The following MYO1E variants were observed in gnomAD, a reference collection of about 807,000 sequenced individuals.
The protein encoded by MYO1E is myosin IE.
Under a neutral mutation model 151.1 loss-of-function variants are expected in MYO1E, and 68 were observed. The observed-to-expected ratio is 0.45, with a 90% CI of 0.37 to 0.55. The LOEUF (loss-of-function observed/expected upper bound fraction) is 0.55, where lower values mean the gene tolerates loss of function less well. MYO1E is among the 20% of genes least tolerant of loss of function. The pLI is 0.00. For missense variants in MYO1E, 1,363 were observed against 1,389.3 expected (o/e 0.98, Z 0.30); for synonymous variants, 601 against 501.7 (o/e 1.20, Z -2.64).
At position 59,223,147 on chromosome 15, in the gene MYO1E, C is replaced by T; in HGVS notation, c.822G>A (p.Leu274=). The T allele has an allele frequency of 6.2e-7, 1 of 1,614,164 alleles. No individual in the cohort carries two copies. The highest frequency in any genetic ancestry group is 8.5e-7 in the Non-Finnish European group (1 of 1,180,032). Residue 274 remains leucine, a synonymous_variant, in exon 9 of 28, where the codon CTG becomes CTA. Transcript: ENST00000288235. ...VIGIFAEEQT[L]VLQIVAGILH... ...GAATACCCGCCACTATCTGCAACAC[C>T]AGCGTTTGCTCTTCTGCAAAGATCC...
At chr15:59,306,421 T>C (rs1226368186) in intron 1 of MYO1E, among the ~76,000 whole-genome samples, 1 of 152,250 alleles carries the variant, frequency 6.6e-6, no homozygotes, top group Non-Finnish European at 1.5e-5. Context: ...TGAACGAATA[T>C]ATGTTTTAAT....
In MYO1E at chr15:59,133,367, G is replaced by A. The variant is rs1231388419; in HGVS notation, c.*4013C>T. ...AGTCTGGGTGACAAAGTGAGGTGCTGTCTGAAAATAAAAACGCACAGGCCT... is the reference window on the plus strand; with the variant it reads ...AGTCTGGGTGACAAAGTGAGGTGCTATCTGAAAATAAAAACGCACAGGCCT... On this transcript the variant is annotated 3_prime_UTR_variant, in exon 28 of 28. Coordinates refer to ENST00000288235, the MANE Select transcript of MYO1E (RefSeq NM_004998.4). The A allele has an allele frequency of 6.6e-6, 1 of 152,202 alleles. No individual in the cohort carries two copies. Among genetic ancestry groups the A allele is most frequent in the Non-Finnish European group, 1.5e-5 (1 of 68,054 alleles). 9.4% of individuals were successfully genotyped at this position (152,202 alleles called of 1,614,324 possible).
rs927140356 is a variant in MYO1E at position 59,227,346 on chromosome 15, T to A, written c.642+113A>T. ...TCTGCACATTGACTTGTACATGGTA[T>A]CATCATCAGTCCTCCCTGGCTTCCT... is the stretch of plus-strand genomic sequence containing the variant. On this transcript the variant is annotated intron_variant, in intron 7 of 27. Transcript: ENST00000288235. The A allele has an allele frequency of 2.4e-6, 3 of 1,270,238 alleles. No individual in the cohort carries two copies. In the Admixed American group the frequency reaches 5.5e-5, roughly 23 times the overall value. 78.7% of individuals were successfully genotyped at this position (1,270,238 alleles called of 1,614,324 possible). A position where few individuals can be genotyped will look rare whatever the true frequency, so the allele number is the denominator to read the frequency against.
chr15:59,327,119 G>A (rs1347851196), intron 1 of MYO1E, among the ~76,000 whole-genome samples: 1 of 151,878 alleles, frequency 6.6e-6, no homozygotes, highest in African/African-American at 2.4e-5. Flanking sequence ...TGGGTAAGGC[G>A]TTTTCTCACT....
chr15:59,243,153 T>C (rs1596381985), intron 4 of MYO1E, among the ~76,000 whole-genome samples: 1 of 151,206 alleles, frequency 6.6e-6, no homozygotes, highest in Admixed American at 6.6e-5. Flanking sequence ...ACAACTCTTA[T>C]TTCAAAAGGT....
intron 2 of MYO1E, among the ~76,000 whole-genome samples, chr15:59,267,376 G>A (rs2080262615): frequency 6.6e-6 from 1 of 152,190 alleles, no homozygotes; most frequent in Non-Finnish European, 1.5e-5. Context: ...ACCTACGCTG[G>A]TCGAGTGGAC....
At chr15:59,164,940 G>C (rs533302761) in intron 22 of MYO1E, among the ~76,000 whole-genome samples, 1 of 152,118 alleles carries the variant, frequency 6.6e-6, no homozygotes, top group Admixed American at 6.5e-5. Flanking sequence ...TCATGAATTG[G>C]ATTAGTGACC....
At chr15:59,142,281 A>G (rs1372817762) in intron 26 of MYO1E, among the ~76,000 whole-genome samples, 1 of 152,174 alleles carries the variant, frequency 6.6e-6, no homozygotes, top group African/African-American at 2.4e-5. Flanking sequence ...TGTTCAGGGA[A>G]AAACCCTAGT....
intron 13 of MYO1E, 130 bp downstream of exon 13, chr15:59,210,381 CTAG>C (rs2079871617): frequency 1.4e-6 from 1 of 710,462 alleles, no homozygotes; most frequent in African/African-American, 1.8e-5. Flanking sequence ...ATACAGAAAA[CTAG>C]TACAATTGCT....
At chr15:59,245,052 G>A (rs2080121622) in intron 4 of MYO1E, among the ~76,000 whole-genome samples, 1 of 152,194 alleles carries the variant, frequency 6.6e-6, no homozygotes, top group African/African-American at 2.4e-5. Context: ...AGAGGTATGG[G>A]CTGACAGGGC....
intron 1 of MYO1E, among the ~76,000 whole-genome samples, chr15:59,334,817 CT>C (rs1345023250): frequency 6.6e-6 from 1 of 152,188 alleles, no homozygotes; most frequent in Admixed American, 6.5e-5. Context: ...AATTTGCCAA[CT>C]CTTCCACACT....
rs1047583078 is a variant in MYO1E at position 59,159,674 on chromosome 15, C to T, written c.2786-1295G>A. On this transcript the variant is annotated intron_variant, in intron 24 of 27. Coordinates refer to ENST00000288235, the MANE Select transcript of MYO1E (RefSeq NM_004998.4). This position sits in a 1 kb window ranked among gnomAD's most constrained non-coding sequence, Gnocchi z 4.4. Reference sequence around the variant, plus strand: ...TGAAAAATCGCTTCAGAAATCCCTCCAAAAGTTGCTGTCTGTTTTCTGCAA... The same window carrying T: ...TGAAAAATCGCTTCAGAAATCCCTCTAAAAGTTGCTGTCTGTTTTCTGCAA... Among the ~76,000 whole-genome samples, 4 of 152,222 alleles carry T rather than the reference C, an allele frequency of 2.6e-5. No homozygotes were observed. The highest frequency in any genetic ancestry group is 5.9e-5 in the Non-Finnish European group (4 of 68,044).
intron 4 of MYO1E, among the ~76,000 whole-genome samples, chr15:59,252,699 A>T (rs1357938468): frequency 6.7e-6 from 1 of 149,390 alleles, no homozygotes; most frequent in African/African-American, 2.5e-5. Context: ...TGGGCGACAG[A>T]GTGAGACTCT....
chr15:59,292,860 AG>A (rs2080427859), intron 1 of MYO1E, among the ~76,000 whole-genome samples: 1 of 152,224 alleles, frequency 6.6e-6, no homozygotes, highest in African/African-American at 2.4e-5. Flanking sequence ...AATTTCTACA[AG>A]CCAGAGCTTG....
intron 4 of MYO1E, among the ~76,000 whole-genome samples, chr15:59,252,348 T>C (rs2080169815): frequency 6.6e-6 from 1 of 152,132 alleles, no homozygotes; most frequent in Admixed American, 6.5e-5. Flanking sequence ...TTTCGGAAGC[T>C]GAGGTAGGCA....
At chr15:59,301,562 A>C (rs2080482644) in intron 1 of MYO1E, among the ~76,000 whole-genome samples, 1 of 152,224 alleles carries the variant, frequency 6.6e-6, no homozygotes, top group African/African-American at 2.4e-5. Flanking sequence ...CGAAGGCTAT[A>C]ATGTTTAATT....
chr15:59,295,807 T>C (rs1208792156), intron 1 of MYO1E, among the ~76,000 whole-genome samples: 1 of 152,164 alleles, frequency 6.6e-6, no homozygotes, highest in Non-Finnish European at 1.5e-5. Flanking sequence ...GAAGGACTGA[T>C]GTGCAAATTT....
chr15:59,315,855 G>A (rs2080585617), intron 1 of MYO1E, among the ~76,000 whole-genome samples: 1 of 152,302 alleles, frequency 6.6e-6, no homozygotes, highest in Admixed American at 6.5e-5. Flanking sequence ...TTTGTCTGAG[G>A]CTTAGCATAA....
intron 4 of MYO1E, among the ~76,000 whole-genome samples, chr15:59,245,376 A>C (rs2080123490): frequency 6.6e-6 from 1 of 152,248 alleles, no homozygotes; most frequent in Non-Finnish European, 1.5e-5. Flanking sequence ...CACACGGGTC[A>C]GAAATCTTAG....
Sources: gnomAD v4.1 joint callset for allele counts (sites outside exome capture counted in the v4.1 genomes callset) on GRCh38, gnomAD v4.1.1 for gene constraint, Gnocchi (gnomAD v3.1) non-coding constraint, MANE v1.5 for transcripts, NCBI Gene and HGNC (gene_info 2026-07-23, HGNC 2026-07-21) for gene names.